The following SLK variants were observed in gnomAD, a reference collection of about 807,000 sequenced individuals.
The protein encoded by SLK is STE20-like serine/threonine-protein kinase.
A neutral mutation model predicts 147.7 loss-of-function variants in SLK; 67 were observed. The observed-to-expected ratio is 0.45, with a 90% CI of 0.37 to 0.56. The LOEUF (loss-of-function observed/expected upper bound fraction) is 0.56, where lower values mean the gene tolerates loss of function less well. SLK is among the 20% of genes least tolerant of loss of function. SLK has a pLI of 0.00. For missense variants in SLK, 1,136 were observed against 1,438.8 expected (o/e 0.79, Z 3.41); for synonymous variants, 441 against 475.0 (o/e 0.93, Z 0.93).
intron 13 of SLK, among the ~76,000 whole-genome samples, chr10:104,016,379 ATAG>A (rs1844466547): frequency 6.6e-6 from 1 of 152,180 alleles, no homozygotes; most frequent in Non-Finnish European, 1.5e-5. Context: ...TTTGTTACAA[ATAG>A]TAGGAAAAAG....
At chr10:103,986,570 C>T (rs1025225121) in intron 1 of SLK, among the ~76,000 whole-genome samples, 2 of 151,750 alleles carry the variant, frequency 1.3e-5, no homozygotes, top group Non-Finnish European at 2.9e-5. Flanking sequence ...TCCTGCTATG[C>T]GGCCTGGTTC....
intron 8 of SLK, among the ~76,000 whole-genome samples, 157 bp from the exon 9 acceptor site, chr10:104,002,015 C>T (rs188393085): frequency 8.3e-4 from 127 of 152,188 alleles, no homozygotes; most frequent in African/African-American, 2.9e-3. Context: ...CGCACCCGGC[C>T]CATTTTTGTT....
chr10:104,001,902 G>A (rs1256395217), intron 8 of SLK, among the ~76,000 whole-genome samples: 2 of 152,066 alleles, frequency 1.3e-5, no homozygotes, highest in African/African-American at 4.8e-5. Context: ...TTTTAGTAGA[G>A]ATGGGGTTTC....
At chr10:103,999,075 C>T (rs1172387791) in intron 5 of SLK, 44 bp from the exon 6 acceptor site, 12 of 1,566,452 alleles carry the variant, frequency 7.7e-6, no homozygotes, top group Non-Finnish European at 1.0e-5. Context: ...GTTTTGCAAT[C>T]ACTGTTCTTA....
chr10:104,016,112 A>G (rs1349862888), intron 13 of SLK, among the ~76,000 whole-genome samples: 1 of 152,192 alleles, frequency 6.6e-6, no homozygotes, highest in Non-Finnish European at 1.5e-5. Context: ...AGGTCAGGAG[A>G]TCAAGACCAT....
Position 104,014,937 on chromosome 10 carries a change from T to A in SLK, c.2878-3223T>A, listed in dbSNP as rs535099770. ...TTTAAGGTGTGTTTGTGTAATCTAT[T>A]TGAAATGTGAGTGCTCTTTTCATAC... On this transcript the variant is annotated intron_variant, in intron 13 of 18. Transcript: ENST00000369755. Among the ~76,000 whole-genome samples, 3 of 152,254 alleles carry A rather than the reference T, an allele frequency of 2.0e-5. No individual in the cohort carries two copies. In the East Asian group the frequency reaches 5.8e-4, roughly 29 times the overall value.
At chr10:103,986,020 C>A (rs1844007878) in intron 1 of SLK, among the ~76,000 whole-genome samples, 1 of 152,098 alleles carries the variant, frequency 6.6e-6, no homozygotes, top group African/African-American at 2.4e-5. Context: ...TTTTTATCAA[C>A]AGAAGTTATA....
chr10:103,981,189 T>TTG (rs1564651423), intron 1 of SLK, among the ~76,000 whole-genome samples: 2 of 126,546 alleles, frequency 1.6e-5, no homozygotes, highest in African/African-American at 6.4e-5. Flanking sequence ...GTGGGTTTTT[T>TTG]TTGTTGTTGT....
chr10:104,018,382 T>G, intron 14 of SLK, 93 bp downstream of exon 14: 1 of 1,190,798 alleles, frequency 8.4e-7, no homozygotes, highest in Admixed American at 2.6e-5. Context: ...AAATTTCTTC[T>G]TGCCCTGATG....
intron 11 of SLK, among the ~76,000 whole-genome samples, chr10:104,007,956 A>G: frequency 6.6e-6 from 1 of 152,106 alleles, no homozygotes; most frequent in Non-Finnish European, 1.5e-5. Flanking sequence ...TGTCTCTAAT[A>G]AATAAAATAG....
In SLK at chr10:104,025,610, C is replaced by T; in HGVS notation, c.3598C>T (p.Gln1200Ter). 1 of 1,613,838 alleles carries T rather than the reference C, an allele frequency of 6.2e-7. No homozygotes were observed. The highest frequency in any genetic ancestry group is 2.2e-5 in the East Asian group (1 of 44,882). ...EEEFARKLQE[Q>*]EVFFKMTGES... Reference sequence around the variant, plus strand: ...AGAGTTTGCCAGGAAACTACAGGAACAGGAAGTATTCTTTAAAATGACTGG... The same window carrying T: ...AGAGTTTGCCAGGAAACTACAGGAATAGGAAGTATTCTTTAAAATGACTGG... The change falls in exon 19 of 19, where the codon CAG becomes TAG. Residue 1200 changes from glutamine (Q) to a stop codon, truncating the protein, a stop_gained. Coordinates refer to ENST00000369755, the MANE Select transcript of SLK (RefSeq NM_014720.4). LOFTEE classifies it high-confidence loss of function.
Position 104,003,444 on chromosome 10 carries a change from G to C in SLK, c.2266G>C (p.Ala756Pro), listed in dbSNP as rs759604017. 2.5e-6 allele frequency: 4 copies of C among 1,613,246 alleles called. No homozygotes were observed. In the African/African-American group the frequency reaches 4.0e-5, roughly 16 times the overall value. ...NDNDSGTGST[A>P]DTSSIDLNLS... ...TAATGATTCAGGCACTGGTTCCACT[G>C]CTGATACTAGCAGTATTGACTTGAA... The change falls in exon 9 of 19, where the codon GCT becomes CCT. Residue 756 changes from alanine to proline, a missense_variant. Ala to Pro is a conservative substitution (Grantham distance 27, BLOSUM62 -1). This residue lies in a region of SLK where 516 missense variants were observed against 531.3 expected (regional missense o/e 0.97). Transcript: ENST00000369755.
chr10:104,018,437 T>C, intron 14 of SLK, 148 bp downstream of exon 14: 1 of 731,500 alleles, frequency 1.4e-6, no homozygotes, highest in Non-Finnish European at 2.2e-6. Flanking sequence ...CATTATGCCT[T>C]ATAGTTGTTA....
At chr10:103,975,365 C>G (rs1316452012) in intron 1 of SLK, among the ~76,000 whole-genome samples, 5 of 152,158 alleles carry the variant, frequency 3.3e-5, no homozygotes, top group Admixed American at 6.5e-5. Flanking sequence ...CTACCAGTTG[C>G]ATAGGCCAGA....
intron 1 of SLK, 110 bp downstream of exon 1, chr10:103,968,005 G>A: frequency 8.7e-7 from 1 of 1,144,414 alleles, no homozygotes; most frequent in East Asian, 2.5e-5. Flanking sequence ...TCTTTTGACT[G>A]TTACGGTTCG....
At chr10:103,983,843 T>A (rs1036163812) in intron 1 of SLK, among the ~76,000 whole-genome samples, 1 of 152,144 alleles carries the variant, frequency 6.6e-6, no homozygotes, top group Non-Finnish European at 1.5e-5. Flanking sequence ...ACAGGACCCC[T>A]CTTCAGAGAC....
Position 104,025,618 on chromosome 10 carries a change from A to ATTCT in SLK, c.3609_3612dup (p.Lys1205LeufsTer2). On this transcript the variant is annotated frameshift_variant, in exon 19 of 19. Transcript: ENST00000369755. LOFTEE classifies it high-confidence loss of function. ...CCAGGAAACTACAGGAACAGGAAGT[A>ATTCT]TTCTTTAAAATGACTGGGGAGTCTG... The ATTCT allele has an allele frequency of 6.2e-7, 1 of 1,613,896 alleles. No individual in the cohort carries two copies. Among genetic ancestry groups the ATTCT allele is most frequent in the Non-Finnish European group, 8.5e-7 (1 of 1,179,752 alleles).
At chr10:103,992,839 G>C in intron 3 of SLK, 145 bp from the exon 4 acceptor site, 2 of 362,824 alleles carry the variant, frequency 5.5e-6, no homozygotes, top group South Asian at 3.6e-5. Flanking sequence ...TGTCAAGAAT[G>C]TGATCTTTGT....
chr10:104,025,537 C>A (rs979086862), intron 18 of SLK, 37 bp from the exon 19 acceptor site: 1 of 1,599,032 alleles, frequency 6.3e-7, no homozygotes, highest in Non-Finnish European at 8.6e-7. Flanking sequence ...TATATAATAC[C>A]AGCACATAGC....
Sources: gnomAD v4.1 joint callset for allele counts (sites outside exome capture counted in the v4.1 genomes callset) on GRCh38, gnomAD v4.1.1 for gene constraint, gnomAD v4.1.1 regional missense constraint, MANE v1.5 for transcripts, NCBI Gene and HGNC (gene_info 2026-07-23, HGNC 2026-07-21) for gene names.